F13A1: variants seen among roughly 807,000 people sequenced by gnomAD.
The protein encoded by F13A1 is coagulation factor XIII A chain.
F13A1 carries 47 observed loss-of-function variants against 80.1 expected under a neutral mutation model. The observed-to-expected ratio is 0.59, with a 90% CI of 0.46 to 0.75. F13A1 has a LOEUF of 0.75. F13A1 is among the 30% of genes least tolerant of loss of function. F13A1 has a pLI of 0.00. For missense variants in F13A1, 817 were observed against 930.4 expected, an observed-to-expected ratio of 0.88 and a Z score of 1.59; for synonymous variants, 349 against 344.9, an observed-to-expected ratio of 1.01 and a Z score of -0.13.
chr6:6,186,765 T>G (rs1289170665), intron 10 of F13A1, among the ~76,000 whole-genome samples: 1 of 151,956 alleles, frequency 6.6e-6, no homozygotes, highest in Non-Finnish European at 1.5e-5. Flanking sequence ...GTGAAGAAAG[T>G]CACTGGTAGC....
At chr6:6,258,653 C>T (rs900585426) in intron 4 of F13A1, among the ~76,000 whole-genome samples, 1 of 152,106 alleles carries the variant, frequency 6.6e-6, no homozygotes, top group Non-Finnish European at 1.5e-5. Context: ...CAGGGCCACA[C>T]TAAATGATCC....
At chr6:6,206,003 CTGACTGAACA>C (rs1376753812) in intron 8 of F13A1, among the ~76,000 whole-genome samples, 2 of 152,074 alleles carry the variant, frequency 1.3e-5, no homozygotes, top group African/African-American at 4.8e-5. Flanking sequence ...AATTAATATC[CTGACTGAACA>C]TGAAGAAAAT....
Position 6,144,685 on chromosome 6 carries a change from C to G in F13A1, c.*934G>C, listed in dbSNP as rs921932200. 6.6e-6 allele frequency: 1 copy of G among 152,420 alleles called. No individual in the cohort carries two copies. The highest frequency in any genetic ancestry group is 1.5e-5 in the Non-Finnish European group (1 of 68,042). 9.4% of individuals were successfully genotyped at this position (152,420 alleles called of 1,614,324 possible). On this transcript the variant is annotated 3_prime_UTR_variant, in exon 15 of 15. Transcript: ENST00000264870. ...TGCAGTCCTTCTATATATCTGGTCA[C>G]TAGATCCGCCAGCTTCTTCAACTTG...
intron 12 of F13A1, among the ~76,000 whole-genome samples, chr6:6,168,591 A>T (rs967516476): frequency 1.3e-5 from 2 of 152,022 alleles, no homozygotes; most frequent in African/African-American, 4.8e-5. Flanking sequence ...CAGAGAACAG[A>T]CTCTATGAAC....
At chr6:6,245,572 C>T (rs1444306658) in intron 6 of F13A1, among the ~76,000 whole-genome samples, 1 of 152,158 alleles carries the variant, frequency 6.6e-6, no homozygotes, top group Admixed American at 6.5e-5. Flanking sequence ...TTTGGGTTAT[C>T]GGTGCTTTTT....
chr6:6,204,344 G>A (rs1173490801), intron 8 of F13A1, among the ~76,000 whole-genome samples: 5 of 152,224 alleles, frequency 3.3e-5, no homozygotes, highest in African/African-American at 1.2e-4. Flanking sequence ...AAGATCAAGA[G>A]AAAGCCCTGG....
At chr6:6,198,013 A>G (rs1761321560) in intron 8 of F13A1, among the ~76,000 whole-genome samples, 1 of 152,242 alleles carries the variant, frequency 6.6e-6, no homozygotes, top group Admixed American at 6.5e-5. Context: ...TTTATTTTGA[A>G]CTTTTTAATA....
chr6:6,293,782 AGAGGGAGGGAGGGAGG>A lies in F13A1; in HGVS notation c.319+11553_319+11568del, dbSNP rs575581821. On this transcript the variant is annotated intron_variant, in intron 3 of 14. Transcript: ENST00000264870. ...GGAAGGAATGGAGGGAGTGAGAGAG[AGAGGGAGGGAGGGAGG>A]GAGGGAGGGAGGGAGGGAGGGAGGG... 2.3e-3 allele frequency among the ~76,000 whole-genome samples: 157 copies of A among 66,914 alleles called. 2 individuals carry two copies. The highest frequency in any genetic ancestry group is 0.012 in the Admixed American group (65 of 5,248). 43.9% of individuals were successfully genotyped at this position (66,914 alleles called of 152,430 possible).
At chr6:6,296,454 T>C (rs1225076413) in intron 3 of F13A1, among the ~76,000 whole-genome samples, 1 of 146,968 alleles carries the variant, frequency 6.8e-6, no homozygotes, top group Non-Finnish European at 1.5e-5. Flanking sequence ...CTTGAAGAGG[T>C]CCTTCACATC....
At chr6:6,319,004 C>T (rs1239478666) in intron 1 of F13A1, among the ~76,000 whole-genome samples, 1 of 152,220 alleles carries the variant, frequency 6.6e-6, no homozygotes. Flanking sequence ...CATAATCCTA[C>T]AGCAGCATCT....
intron 3 of F13A1, among the ~76,000 whole-genome samples, chr6:6,285,680 T>TC (rs1758129554): frequency 6.6e-6 from 1 of 152,072 alleles, no homozygotes; most frequent in African/African-American, 2.4e-5. Context: ...GGAGAGGGCT[T>TC]CCCCCACTAC....
chr6:6,173,552 T>C (rs1278360610), intron 12 of F13A1, among the ~76,000 whole-genome samples: 1 of 151,926 alleles, frequency 6.6e-6, no homozygotes, highest in Non-Finnish European at 1.5e-5. Context: ...AGACTACAGG[T>C]GCCTGCCACC....
rs1760584490 is a variant in F13A1 at position 6,162,037 on chromosome 6, A to G, written c.1908+5421T>C. 6.6e-6 allele frequency among the ~76,000 whole-genome samples: 1 copy of G among 150,604 alleles called. No individual in the cohort carries two copies. The highest frequency in any genetic ancestry group is 2.4e-5 in the African/African-American group (1 of 41,092). On this transcript the variant is annotated intron_variant, in intron 13 of 14. Coordinates refer to ENST00000264870, the MANE Select transcript of F13A1 (RefSeq NM_000129.4). The surrounding 1 kb of genome is among the most constrained non-coding windows in gnomAD (Gnocchi z 4.2). ...AGTTGGGTACTTCCTGGAGAAGACAATGCTTTGGGCAAAGGCTTTGAAGAG... is the reference window on the plus strand; with the variant it reads ...AGTTGGGTACTTCCTGGAGAAGACAGTGCTTTGGGCAAAGGCTTTGAAGAG...
intron 6 of F13A1, among the ~76,000 whole-genome samples, chr6:6,232,050 A>G (rs1032043157): frequency 6.6e-6 from 1 of 152,172 alleles, no homozygotes; most frequent in Non-Finnish European, 1.5e-5. Context: ...CAAAAAAACC[A>G]AAGTACACAG....
intron 6 of F13A1, among the ~76,000 whole-genome samples, chr6:6,231,106 A>AG (rs1442077000): frequency 1.3e-5 from 2 of 152,208 alleles, no homozygotes; most frequent in Non-Finnish European, 2.9e-5. Context: ...AGAATTAAGG[A>AG]GGTTAGTTAT....
In F13A1 at chr6:6,224,681, C is replaced by T; in HGVS notation, c.973+5G>A. 2 of 1,613,508 alleles carry T rather than the reference C, an allele frequency of 1.2e-6. No individual in the cohort carries two copies. Among genetic ancestry groups the T allele is most frequent in the Non-Finnish European group, 1.7e-6 (2 of 1,179,500 alleles). ...TAAAAAGAAATTACTCAGTTGGATA[C>T]TTACATGTGTTAAAGACACCAGCAA... On this transcript the variant is annotated splice_donor_5th_base_variant and intron_variant, in intron 7 of 14. Transcript: ENST00000264870.
chr6:6,225,081 C>A (rs557086583), intron 6 of F13A1, among the ~76,000 whole-genome samples: 3 of 152,278 alleles, frequency 2.0e-5, no homozygotes, highest in South Asian at 2.1e-4. Flanking sequence ...CCTGTTAAAT[C>A]GCATATTATA....
rs572154008 is a variant in F13A1 at position 6,185,556 on chromosome 6, A to C, written c.1306-3415T>G. Reference sequence around the variant, plus strand: ...TCCCTACAAAGGACATGAACTCATCATTTTTTATGGCTGCGTAGTATTCCA... The same window carrying C: ...TCCCTACAAAGGACATGAACTCATCCTTTTTTATGGCTGCGTAGTATTCCA... On this transcript the variant is annotated intron_variant, in intron 10 of 14. Transcript: ENST00000264870. 7.2e-5 allele frequency among the ~76,000 whole-genome samples: 11 copies of C among 151,994 alleles called. No homozygotes were observed. In the South Asian group the frequency reaches 1.9e-3, roughly 26 times the overall value.
At chr6:6,163,357 T>G (rs1197812623) in intron 13 of F13A1, among the ~76,000 whole-genome samples, 1 of 152,226 alleles carries the variant, frequency 6.6e-6, no homozygotes, top group Admixed American at 6.5e-5. Flanking sequence ...TATTTTAAGT[T>G]CAGGGGTACA....
Sources: allele counts gnomAD v4.1 joint callset (sites outside exome capture counted in the v4.1 genomes callset), GRCh38; gene constraint gnomAD v4.1.1; non-coding constraint Gnocchi (gnomAD v3.1); transcripts MANE v1.5; gene names NCBI Gene and HGNC (gene_info 2026-07-23, HGNC 2026-07-21).